Variants in CCDC171 observed in about 807,000 individuals in gnomAD.
CCDC171 encodes the protein coiled-coil domain-containing protein 171.
A neutral mutation model predicts 168.2 loss-of-function variants in CCDC171; 177 were observed. That is an observed-to-expected ratio of 1.05 (90% CI 0.93 to 1.19). The LOEUF is 1.19. CCDC171 is among the 50% of genes most tolerant of loss of function. The pLI, the probability that CCDC171 is intolerant of heterozygous loss-of-function variation, is 0.00. For missense variants in CCDC171, 1,991 were observed against 1,539.0 expected (o/e 1.29, Z -4.91); for synonymous variants, 687 against 540.8 (o/e 1.27, Z -3.75).
At chr9:16,078,902 A>G in the CCDC171 span, among the ~76,000 whole-genome samples, 2 of 152,224 alleles carry the variant, frequency 1.3e-5, no homozygotes, top group Non-Finnish European at 2.9e-5. Flanking sequence ...CTTGTGGAGC[A>G]GAAAGAATGC....
In CCDC171 at chr9:15,769,553, C is replaced by A. The variant is rs7019851; in HGVS notation, c.2672-8047C>A. ...AATATTAGCAGCATAGTGACTTTGG[C>A]GCTAATAGAAGTCACAGATATTTTT... On this transcript the variant is annotated intron_variant, in intron 18 of 25. Transcript: ENST00000380701. Among the ~76,000 whole-genome samples, 4 of 152,070 alleles carry A rather than the reference C, an allele frequency of 2.6e-5. No individual in the cohort carries two copies. In the South Asian group the frequency reaches 8.3e-4, roughly 32 times the overall value.
At chr9:15,745,098 T>C (rs2055177628) in intron 17 of CCDC171, among the ~76,000 whole-genome samples, 1 of 152,200 alleles carries the variant, frequency 6.6e-6, no homozygotes, top group Non-Finnish European at 1.5e-5. Context: ...AATCAAAAAC[T>C]GCCCTGTTTC....
chr9:15,793,696 C>G (rs1220040808), intron 21 of CCDC171, among the ~76,000 whole-genome samples: 1 of 151,272 alleles, frequency 6.6e-6, no homozygotes, highest in Non-Finnish European at 1.5e-5. Context: ...ACTACAGGCA[C>G]ACACCACAAC....
At chr9:15,978,043 A>G (rs901170252), downstream of CCDC171, among the ~76,000 whole-genome samples, 1 of 152,208 alleles carries the variant, frequency 6.6e-6, no homozygotes, top group Admixed American at 6.5e-5. Context: ...GTTTAAAAGT[A>G]GAAGGCTTAG....
At chr9:15,745,454 T>G in intron 17 of CCDC171, 61 bp from the exon 18 acceptor site, 2 of 1,101,216 alleles carry the variant, frequency 1.8e-6, no homozygotes, top group South Asian at 3.2e-5. Context: ...GCTACGAATT[T>G]TAAATATAGA....
intron 3 of CCDC171, among the ~76,000 whole-genome samples, chr9:16,001,464 T>C (rs1832543043): frequency 6.6e-6 from 1 of 151,922 alleles, no homozygotes; most frequent in Non-Finnish European, 1.5e-5. Flanking sequence ...CGGTAGGGTG[T>C]GTGTGTGGGC....
At chr9:16,093,207 G>A in the CCDC171 span, among the ~76,000 whole-genome samples, 48 of 152,314 alleles carry the variant, frequency 3.2e-4, no homozygotes, top group African/African-American at 1.2e-3. Flanking sequence ...TTGATGAAAA[G>A]CAAATACGGA....
chr9:15,666,650 T>A (rs1456514815), intron 9 of CCDC171, among the ~76,000 whole-genome samples: 2 of 152,000 alleles, frequency 1.3e-5, no homozygotes, highest in Non-Finnish European at 2.9e-5. Flanking sequence ...TAGTGAGACT[T>A]TGTCTCTACA....
chr9:15,577,264 A>T (rs16933376), intron 3 of CCDC171, among the ~76,000 whole-genome samples: 4,317 of 152,256 alleles, frequency 0.028, 199 homozygotes, highest in African/African-American at 0.099. Context: ...TCTTGAACTG[A>T]GATTCTAAAG....
chr9:15,564,110 A>C lies in CCDC171; in HGVS notation c.22A>C (p.Asn8His). Reference sequence around the variant, plus strand: ...CATCATGAATTTGAATACTTCAAGTAATACTGGTGATACCCAAAGGTAAGC... The same window carrying C: ...CATCATGAATTTGAATACTTCAAGTCATACTGGTGATACCCAAAGGTAAGC... Reference protein sequence around the residue: MNLNTSSNTGDTQRLKIA... With the variant: MNLNTSSHTGDTQRLKIA... The change falls in exon 2 of 26, where the codon AAT (asparagine) becomes CAT (histidine). Residue 8 changes from asparagine to histidine, a missense_variant. By Grantham distance (68) the Asn-to-His change is moderately conservative (BLOSUM62 1). Transcript: ENST00000380701. 1.2e-6 allele frequency: 2 copies of C among 1,607,880 alleles called. No homozygotes were observed. The highest frequency in any genetic ancestry group is 2.2e-5 in the South Asian group (2 of 90,128).
intron 23 of CCDC171, among the ~76,000 whole-genome samples, chr9:15,869,409 A>AT (rs1013943286): frequency 5.9e-5 from 9 of 151,630 alleles, no homozygotes; most frequent in Middle Eastern, 3.4e-3. Flanking sequence ...GAACTGTCTA[A>AT]TTTTTTTTAA....
At chr9:15,693,205 G>A (rs2050949987) in intron 10 of CCDC171, among the ~76,000 whole-genome samples, 1 of 18,696 alleles carries the variant, frequency 5.3e-5, no homozygotes. Context: ...TTTACAAATA[G>A]GTACACACAG....
At chr9:15,825,057 T>C (rs1189884747) in intron 21 of CCDC171, among the ~76,000 whole-genome samples, 1 of 152,152 alleles carries the variant, frequency 6.6e-6, no homozygotes. Context: ...CCTCTTGTGG[T>C]ATGGAAGCAG....
At chr9:15,936,051 T>G (rs1171365622) in intron 25 of CCDC171, among the ~76,000 whole-genome samples, 1 of 152,056 alleles carries the variant, frequency 6.6e-6, no homozygotes, top group African/African-American at 2.4e-5. Context: ...AAGATGTGAC[T>G]GTCACATTCT....
At chr9:15,947,409 T>G (rs528841006) in intron 25 of CCDC171, among the ~76,000 whole-genome samples, 1 of 152,118 alleles carries the variant, frequency 6.6e-6, no homozygotes, top group African/African-American at 2.4e-5. Flanking sequence ...TTCTCTATTA[T>G]TTTGACGACT....
At chr9:16,009,232 A>G (rs1832791059) in intron 3 of CCDC171, among the ~76,000 whole-genome samples, 1 of 152,056 alleles carries the variant, frequency 6.6e-6, no homozygotes. Flanking sequence ...GAGTGGTCTG[A>G]CCTTAGGAGG....
intron 6 of CCDC171, among the ~76,000 whole-genome samples, chr9:16,030,759 G>A (rs976380724): frequency 1.3e-5 from 2 of 152,098 alleles, no homozygotes; most frequent in Non-Finnish European, 2.9e-5. Flanking sequence ...TTGTGGTGGC[G>A]GCTCACCACG....
intron 3 of CCDC171, among the ~76,000 whole-genome samples, chr9:16,003,634 A>G (rs1423517105): frequency 6.6e-6 from 1 of 152,210 alleles, no homozygotes; most frequent in Non-Finnish European, 1.5e-5. Flanking sequence ...TAAGAACTAA[A>G]TACTCTGGTT....
At chr9:16,068,055 AC>A in the CCDC171 span, among the ~76,000 whole-genome samples, 1 of 149,986 alleles carries the variant, frequency 6.7e-6, no homozygotes, top group South Asian at 2.2e-4. Flanking sequence ...TATCTAGAAA[AC>A]CCCATTGTCT....
Sources: gnomAD v4.1 joint callset for allele counts (sites outside exome capture counted in the v4.1 genomes callset) on GRCh38, gnomAD v4.1.1 for gene constraint, MANE v1.5 for transcripts, NCBI Gene and HGNC (gene_info 2026-07-23, HGNC 2026-07-21) for gene names.